TTLL11: variants seen among roughly 807,000 people sequenced by gnomAD.
TTLL11 encodes tubulin polyglutamylase TTLL11.
A neutral mutation model predicts 51.7 loss-of-function variants in TTLL11; 42 were observed. The observed-to-expected ratio is 0.81, with a 90% CI of 0.64 to 1.05. TTLL11 has a LOEUF of 1.05. Among genes scored for constraint, TTLL11 ranks in the 50% least tolerant of loss-of-function variants. The pLI, the probability that TTLL11 is intolerant of heterozygous loss-of-function variation, is 0.00. For synonymous variants in TTLL11, 381 were observed against 383.5 expected (o/e 0.99, Z 0.08); for missense variants, 799 against 940.4 (o/e 0.85, Z 1.97).
At chr9:121,858,050 G>A (rs149104995) in intron 8 of TTLL11, among the ~76,000 whole-genome samples, 114 of 152,218 alleles carry the variant, frequency 7.5e-4, no homozygotes, top group Non-Finnish European at 1.4e-3. Context: ...AGAAAGTGCC[G>A]CTGCTCGATT....
At chr9:121,852,999 A>G (rs78040380) in intron 8 of TTLL11, among the ~76,000 whole-genome samples, 3,325 of 152,332 alleles carry the variant, frequency 0.022, 116 homozygotes, top group African/African-American at 0.074. Context: ...TGCGCTCAAC[A>G]TTCCAAATGA....
chr9:121,868,345 A>G (rs1464653328), intron 7 of TTLL11, among the ~76,000 whole-genome samples: 5 of 152,158 alleles, frequency 3.3e-5, no homozygotes, highest in Non-Finnish European at 7.4e-5. Flanking sequence ...CTTTTTCACT[A>G]TAATGGGGTA....
At chr9:121,949,414 C>A (rs1430035714) in intron 6 of TTLL11, among the ~76,000 whole-genome samples, 1 of 152,174 alleles carries the variant, frequency 6.6e-6, no homozygotes, top group Non-Finnish European at 1.5e-5. Flanking sequence ...GAATCCAACA[C>A]AAATTAGTTG....
chr9:121,945,340 T>C (rs753889089), intron 6 of TTLL11, among the ~76,000 whole-genome samples: 4 of 152,218 alleles, frequency 2.6e-5, no homozygotes, highest in Non-Finnish European at 5.9e-5. Flanking sequence ...GGATGGGCTG[T>C]GAAAATAATG....
At chr9:121,941,460 C>T (rs1302314347) in intron 6 of TTLL11, among the ~76,000 whole-genome samples, 1 of 152,204 alleles carries the variant, frequency 6.6e-6, no homozygotes, top group Non-Finnish European at 1.5e-5. Context: ...GTCTTAAAGT[C>T]AACCTGTCTA....
At chr9:121,823,187 G>T (rs1836637521) in intron 8 of TTLL11, among the ~76,000 whole-genome samples, 1 of 152,220 alleles carries the variant, frequency 6.6e-6, no homozygotes, top group Non-Finnish European at 1.5e-5. Flanking sequence ...GCTGGGGAAA[G>T]TTATATAAGA....
intron 1 of TTLL11, among the ~76,000 whole-genome samples, chr9:122,079,599 C>T (rs1377487906): frequency 6.6e-6 from 1 of 151,898 alleles, no homozygotes; most frequent in East Asian, 1.9e-4. Flanking sequence ...GTCCCAGCTA[C>T]TCGGGAGGCT....
At chr9:121,895,117 C>T (rs966611646) in intron 6 of TTLL11, among the ~76,000 whole-genome samples, 2 of 152,164 alleles carry the variant, frequency 1.3e-5, no homozygotes, top group African/African-American at 4.8e-5. Context: ...CTTTATCTTA[C>T]ATGTCTTAAA....
At chr9:121,979,923 C>T (rs537542311) in intron 4 of TTLL11, among the ~76,000 whole-genome samples, 3 of 151,720 alleles carry the variant, frequency 2.0e-5, no homozygotes, top group African/African-American at 7.3e-5. Flanking sequence ...CTTTAGTGCT[C>T]TCTGCCTTCA....
intron 2 of TTLL11, among the ~76,000 whole-genome samples, chr9:122,036,800 G>C (rs1184604946): frequency 6.6e-6 from 1 of 152,174 alleles, no homozygotes; most frequent in Non-Finnish European, 1.5e-5. Context: ...TGGTATCAGA[G>C]GCCAGACTGT....
intron 6 of TTLL11, among the ~76,000 whole-genome samples, chr9:121,935,836 C>T (rs1254510070): frequency 1.3e-5 from 2 of 152,128 alleles, no homozygotes; most frequent in Non-Finnish European, 2.9e-5. Flanking sequence ...GAGAAGAGCT[C>T]AGGGAAATGA....
chr9:121,841,540 C>A (rs1837346237), intron 8 of TTLL11, among the ~76,000 whole-genome samples: 1 of 152,150 alleles, frequency 6.6e-6, no homozygotes, highest in Non-Finnish European at 1.5e-5. Flanking sequence ...CGCACTCAGT[C>A]ATGTAAGGTC....
intron 8 of TTLL11, among the ~76,000 whole-genome samples, chr9:121,852,991 C>A (rs923437392): frequency 4.6e-5 from 7 of 152,224 alleles, no homozygotes; most frequent in African/African-American, 1.7e-4. Flanking sequence ...AAGGAGACTG[C>A]GCTCAACATT....
At chr9:121,861,646 G>C (rs565977890) in intron 7 of TTLL11, among the ~76,000 whole-genome samples, 1 of 152,284 alleles carries the variant, frequency 6.6e-6, no homozygotes, top group South Asian at 2.1e-4. Flanking sequence ...GGGGAAGCTA[G>C]GCCCTCGGCA....
At chr9:121,843,830 A>G (rs2131359425) in intron 8 of TTLL11, among the ~76,000 whole-genome samples, 1 of 152,058 alleles carries the variant, frequency 6.6e-6, no homozygotes, top group East Asian at 1.9e-4. Flanking sequence ...GTGACATCAC[A>G]CCTGGCTATT....
chr9:121,901,221 G>A (rs1011905473), intron 6 of TTLL11, among the ~76,000 whole-genome samples: 1 of 152,158 alleles, frequency 6.6e-6, no homozygotes, highest in Non-Finnish European at 1.5e-5. Context: ...TTGTTTATCA[G>A]TTCTTAGTAG....
At chr9:121,871,946 G>A (rs1423582519) in intron 6 of TTLL11, among the ~76,000 whole-genome samples, 3 of 152,228 alleles carry the variant, frequency 2.0e-5, no homozygotes, top group African/African-American at 4.8e-5. Flanking sequence ...GGGGCCAGGC[G>A]TAGCCCTCTC....
chr9:121,926,430 G>A (rs1301408435), intron 6 of TTLL11, among the ~76,000 whole-genome samples: 2 of 152,252 alleles, frequency 1.3e-5, no homozygotes, highest in Admixed American at 6.5e-5. Flanking sequence ...GCTTGCTAAG[G>A]AGTCATTCAC....
chr9:121,820,249 C>T lies in TTLL11; in HGVS notation c.*2338G>A, dbSNP rs1232581781. ...TTCAATGTGCTTGGTTGGTTTTAGA[C>T]CTGAACATTGCGCTCCACTTTGGCA... On this transcript the variant is annotated 3_prime_UTR_variant, in exon 9 of 9. Transcript: ENST00000321582. Among the ~76,000 whole-genome samples, 2 of 152,222 alleles carry T rather than the reference C, an allele frequency of 1.3e-5. No homozygotes were observed. The highest frequency in any genetic ancestry group is 2.9e-5 in the Non-Finnish European group (2 of 68,038).
Sources: allele counts gnomAD v4.1 joint callset (sites outside exome capture counted in the v4.1 genomes callset), GRCh38; gene constraint gnomAD v4.1.1; transcripts MANE v1.5; gene names NCBI Gene and HGNC (gene_info 2026-07-23, HGNC 2026-07-21).